Variants in MEGF11 observed in about 807,000 individuals in gnomAD.
MEGF11 encodes the protein multiple epidermal growth factor-like domains protein 11.
Under a neutral mutation model 146.6 loss-of-function variants are expected in MEGF11, and 126 were observed. The observed-to-expected ratio is 0.86, with a 90% CI of 0.74 to 1.00. The LOEUF is 1.00. Among genes scored for constraint, MEGF11 ranks in the 50% least tolerant of loss-of-function variants. The probability of loss-of-function intolerance (pLI) is 0.00; values close to 1 mark genes in which losing one functional copy is unlikely to be tolerated. For synonymous variants in MEGF11, 532 were observed against 583.4 expected (o/e 0.91, Z 1.27); for missense variants, 1,509 against 1,521.2 (o/e 0.99, Z 0.13).
At position 66,168,373 on chromosome 15, in the gene MEGF11, T is replaced by C. The variant is rs556828935; in HGVS notation, c.-8-39962A>G. Among the ~76,000 whole-genome samples, 233 of 152,268 alleles carry C rather than the reference T, an allele frequency of 1.5e-3. 2 individuals are homozygous for C. Among genetic ancestry groups the C allele is most frequent in the African/African-American group, 5.3e-3 (222 of 41,566 alleles). On this transcript the variant is annotated intron_variant, in intron 1 of 25. Transcript: ENST00000395614. Reference sequence around the variant, plus strand: ...ACTATCAGGCCTGCCCACTGGACACTGTGTGACCCTCTCCTCTGCAGAACA... The same window carrying C: ...ACTATCAGGCCTGCCCACTGGACACCGTGTGACCCTCTCCTCTGCAGAACA...
At chr15:66,122,285 GA>G (rs138554891) in intron 3 of MEGF11, among the ~76,000 whole-genome samples, 5 of 146,920 alleles carry the variant, frequency 3.4e-5, no homozygotes, top group African/African-American at 7.5e-5. Context: ...TACCTATGCA[GA>G]AAAAAAAAAG....
At chr15:66,210,249 G>A (rs2091410178) in intron 1 of MEGF11, among the ~76,000 whole-genome samples, 1 of 152,200 alleles carries the variant, frequency 6.6e-6, no homozygotes, top group Non-Finnish European at 1.5e-5. Flanking sequence ...TCAACTGCAT[G>A]TGAATCTACA....
At chr15:66,148,004 AT>A (rs2089436398) in intron 1 of MEGF11, among the ~76,000 whole-genome samples, 2 of 152,188 alleles carry the variant, frequency 1.3e-5, no homozygotes, top group South Asian at 4.1e-4. Flanking sequence ...TGGGAGCAAT[AT>A]TGGCTGACTT....
At chr15:65,960,076 C>CA in intron 9 of MEGF11, among the ~76,000 whole-genome samples, 1 of 150,198 alleles carries the variant, frequency 6.7e-6, no homozygotes, top group Admixed American at 6.6e-5. Context: ...CCATTTCTAT[C>CA]AATCAATGCT....
chr15:65,898,407 C>T (rs1380898960), intron 25 of MEGF11: 2 of 984,840 alleles, frequency 2.0e-6, no homozygotes, highest in Non-Finnish European at 2.4e-6. Context: ...TCTCTGATTG[C>T]TTTCTTTTTT....
intron 4 of MEGF11, among the ~76,000 whole-genome samples, chr15:66,111,502 G>C (rs1049427988): frequency 1.3e-5 from 2 of 152,248 alleles, no homozygotes; most frequent in Admixed American, 6.5e-5. Flanking sequence ...TAGGAGAGCA[G>C]AATGTGAGAT....
intron 1 of MEGF11, among the ~76,000 whole-genome samples, chr15:66,228,838 C>A (rs2091906079): frequency 1.3e-5 from 2 of 152,108 alleles, no homozygotes; most frequent in Admixed American, 1.3e-4. Flanking sequence ...GTGGGGCACG[C>A]CACAGGATGT....
At chr15:66,046,436 G>A (rs892686351) in intron 5 of MEGF11, among the ~76,000 whole-genome samples, 2 of 152,226 alleles carry the variant, frequency 1.3e-5, no homozygotes, top group South Asian at 2.1e-4. Flanking sequence ...CTCACGGGAC[G>A]TGGTGGTCAG....
chr15:66,223,900 TA>T (rs1381693883), intron 1 of MEGF11, among the ~76,000 whole-genome samples: 54 of 152,306 alleles, frequency 3.5e-4, no homozygotes, highest in Middle Eastern at 6.8e-3. Context: ...CGAACTCCTG[TA>T]CGTCCCCCTC....
chr15:66,205,833 C>A (rs59864873), intron 1 of MEGF11, among the ~76,000 whole-genome samples: 10,955 of 152,204 alleles, frequency 0.072, 576 homozygotes, highest in African/African-American at 0.14. Flanking sequence ...TCAATTGACA[C>A]AGAGGTTTAA....
At chr15:66,144,873 G>A (rs1329329543) in intron 1 of MEGF11, among the ~76,000 whole-genome samples, 1 of 152,186 alleles carries the variant, frequency 6.6e-6, no homozygotes, top group Non-Finnish European at 1.5e-5. Flanking sequence ...ATTATGTACT[G>A]AGTGCCTCTG....
intron 10 of MEGF11, among the ~76,000 whole-genome samples, chr15:65,947,903 C>A (rs1456439349): frequency 3.9e-5 from 6 of 152,314 alleles, no homozygotes; most frequent in Middle Eastern, 3.4e-3. Flanking sequence ...ATAAGGACAT[C>A]AGGAACATGA....
At chr15:66,047,389 T>C (rs964925162) in intron 5 of MEGF11, among the ~76,000 whole-genome samples, 7 of 152,172 alleles carry the variant, frequency 4.6e-5, no homozygotes, top group Non-Finnish European at 8.8e-5. Context: ...GCTAGGCGAG[T>C]TACATGTCTT....
At chr15:66,225,749 C>T (rs2091838823) in intron 1 of MEGF11, among the ~76,000 whole-genome samples, 1 of 152,194 alleles carries the variant, frequency 6.6e-6, no homozygotes. Context: ...CACACACTTA[C>T]ATGAATACAT....
Position 65,912,137 on chromosome 15 carries a change from C to T in MEGF11, c.2774G>A (p.Cys925Tyr), listed in dbSNP as rs1196029035. 4 of 1,232,080 alleles carry T rather than the reference C, an allele frequency of 3.2e-6. No individual in the cohort carries two copies. Among genetic ancestry groups the T allele is most frequent in the Non-Finnish European group, 4.0e-6 (4 of 988,058 alleles). 76.3% of individuals were successfully genotyped at this position (1,232,080 alleles called of 1,614,324 possible). ...GGCCTGGCTGGTGGCAGGCCCCCCA[C>T]ATGCCAGTGCGTGGTAGCTGGAATT... ...FSNSSYHALACGGPATSQAST... is the reference protein window; with the variant it reads ...FSNSSYHALAYGGPATSQAST... The change falls in exon 21 of 26, where the codon TGT becomes TAT. Residue 925 changes from cysteine (C) to tyrosine (Y), a missense_variant. Coordinates refer to ENST00000395614, the MANE Select transcript of MEGF11 (RefSeq NM_001385028.1).
chr15:65,988,363 C>T (rs925918923), intron 5 of MEGF11, among the ~76,000 whole-genome samples: 2 of 152,204 alleles, frequency 1.3e-5, no homozygotes, highest in African/African-American at 4.8e-5. Flanking sequence ...TGGAATCATA[C>T]AATATCAGTC....
At chr15:66,200,118 C>T (rs182451495) in intron 1 of MEGF11, among the ~76,000 whole-genome samples, 3 of 152,210 alleles carry the variant, frequency 2.0e-5, no homozygotes, top group African/African-American at 7.2e-5. Flanking sequence ...AGGAAACATA[C>T]CAAAATGTTG....
intron 7 of MEGF11, among the ~76,000 whole-genome samples, chr15:65,977,441 G>A (rs980852108): frequency 6.6e-6 from 1 of 150,762 alleles, no homozygotes; most frequent in Non-Finnish European, 1.5e-5. Context: ...CTGAGCATCT[G>A]TGATGCTAGG....
chr15:66,195,137 TCTC>T (rs1289884574), intron 1 of MEGF11, among the ~76,000 whole-genome samples: 2 of 152,212 alleles, frequency 1.3e-5, no homozygotes, highest in Admixed American at 1.3e-4. Context: ...GTAGATCCCA[TCTC>T]CTCTCTATGT....
Sources: allele counts gnomAD v4.1 joint callset (sites outside exome capture counted in the v4.1 genomes callset), GRCh38; gene constraint gnomAD v4.1.1; transcripts MANE v1.5; gene names NCBI Gene and HGNC (gene_info 2026-07-23, HGNC 2026-07-21).